UBR4: variants seen among roughly 807,000 people sequenced by gnomAD.
UBR4 encodes the protein ubiquitin protein ligase E3 component n-recognin 4, also known as E3 ubiquitin-protein ligase UBR4.
In UBR4, 124 loss-of-function variants were observed where a neutral mutation model predicts 575.6. The ratio of observed to expected loss-of-function variants is 0.22; its 90% CI spans 0.19 to 0.25. UBR4 has a LOEUF of 0.25. UBR4 is among the 10% of genes least tolerant of loss of function. The probability of loss-of-function intolerance (pLI) is 1.00; values close to 1 mark genes in which losing one functional copy is unlikely to be tolerated. For synonymous variants in UBR4, 2,455 were observed against 2,473.7 expected, an observed-to-expected ratio of 0.99 and a Z score of 0.22; for missense variants, 4,818 against 6,478.8, an observed-to-expected ratio of 0.74 and a Z score of 8.80.
intron 60 of UBR4, among the ~76,000 whole-genome samples, chr1:19,130,080 T>C (rs1040556737): frequency 5.9e-5 from 9 of 152,106 alleles, no homozygotes; most frequent in African/African-American, 1.7e-4. Flanking sequence ...TAGCTGGACA[T>C]GGTGGTGTGC....
At position 19,104,559 on chromosome 1, in the gene UBR4, A is replaced by G. The variant is rs374660742; in HGVS notation, c.12727+26T>C. The G allele has an allele frequency of 1.7e-5, 27 of 1,612,744 alleles. No individual in the cohort carries two copies. In the African/African-American group the frequency reaches 3.5e-4, roughly 21 times the overall value. ...TCCCTAAACAGATTCAGGATGCCCTAAAGGAAGGTCCAGGTGGCTCTTTAC... is the reference window on the plus strand; with the variant it reads ...TCCCTAAACAGATTCAGGATGCCCTGAAGGAAGGTCCAGGTGGCTCTTTAC... On this transcript the variant is annotated intron_variant, in intron 86 of 105. Transcript: ENST00000375254.
At chr1:19,145,981 A>G (rs780636205) in intron 52 of UBR4, 48 bp from the exon 53 acceptor site, 8 of 1,612,972 alleles carry the variant, frequency 5.0e-6, no homozygotes, top group African/African-American at 1.3e-5. Flanking sequence ...CTGAGATGGA[A>G]TTTAATTTGT....
At chr1:19,081,882 A>G (rs996935633) in intron 102 of UBR4, 4 of 627,934 alleles carry the variant, frequency 6.4e-6, no homozygotes, top group African/African-American at 3.7e-5. Context: ...AGGGACGTTC[A>G]CAATCTCCCC....
intron 5 of UBR4, 117 bp from the exon 6 acceptor site, chr1:19,198,166 T>C (rs2092569256): frequency 2.0e-6 from 2 of 1,005,830 alleles, no homozygotes; most frequent in Non-Finnish European, 1.5e-6. Context: ...GAAGGGAAAA[T>C]TCCTTACTCA....
intron 28 of UBR4, 59 bp from the exon 29 acceptor site, chr1:19,167,290 C>T: frequency 1.3e-6 from 2 of 1,587,638 alleles, no homozygotes; most frequent in Admixed American, 3.4e-5. Flanking sequence ...AGCTGCAAAG[C>T]AAGGACAGGG....
chr1:19,160,327 A>C (rs2087129562), intron 38 of UBR4, 46 bp from the exon 39 acceptor site: 2 of 1,483,490 alleles, frequency 1.3e-6, no homozygotes, highest in African/African-American at 2.9e-5. Flanking sequence ...AAAAAAAAGA[A>C]AAACAATGGA....
intron 31 of UBR4, 95 bp downstream of exon 31, chr1:19,165,153 AT>A: frequency 6.7e-7 from 1 of 1,482,490 alleles, no homozygotes; most frequent in African/African-American, 1.4e-5. Context: ...ACTCGTTAGC[AT>A]TTTCATGCTG....
At chr1:19,181,517 C>T (rs2090959096) in intron 17 of UBR4, among the ~76,000 whole-genome samples, 1 of 152,158 alleles carries the variant, frequency 6.6e-6, no homozygotes, top group South Asian at 2.1e-4. Flanking sequence ...CCATGCTCTT[C>T]ACCCCATTCA....
chr1:19,113,641 AAAC>A, intron 77 of UBR4, 55 bp downstream of exon 77: 2 of 1,602,002 alleles, frequency 1.2e-6, no homozygotes, highest in Non-Finnish European at 1.7e-6. Flanking sequence ...ACTGCTGTGA[AAAC>A]AACACCAGTA....
At chr1:19,130,499 G>C (rs140226206) in intron 60 of UBR4, among the ~76,000 whole-genome samples, 1 of 152,308 alleles carries the variant, frequency 6.6e-6, no homozygotes, top group Non-Finnish European at 1.5e-5. Flanking sequence ...CTGAACAACA[G>C]AGCAAGTCCC....
intron 19 of UBR4, 27 bp downstream of exon 19, chr1:19,177,434 A>G: frequency 6.2e-7 from 1 of 1,603,476 alleles, no homozygotes; most frequent in Non-Finnish European, 8.5e-7. Context: ...GTAATGGTGA[A>G]GCAAAAAAGA....
chr1:19,160,255 C>T lies in UBR4; in HGVS notation c.5433G>A (p.Val1811=). The T allele has an allele frequency of 6.2e-7, 1 of 1,609,434 alleles. No individual in the cohort carries two copies. Among genetic ancestry groups the T allele is most frequent in the Non-Finnish European group, 8.5e-7 (1 of 1,179,032 alleles). ...NQANFSFAPL[V]LDMLNFLMDA... ...CCATAAGGAAATTAAGCATGTCTAACACGAGAGGAGCGAAGGAGAAATTGG... is the reference window on the plus strand; with the variant it reads ...CCATAAGGAAATTAAGCATGTCTAATACGAGAGGAGCGAAGGAGAAATTGG... Residue 1811 remains valine (V), a synonymous_variant, in exon 39 of 106, where the codon GTG becomes GTA. Coordinates refer to ENST00000375254, the MANE Select transcript of UBR4 (RefSeq NM_020765.3).
At position 19,128,190 on chromosome 1, in the gene UBR4, A is replaced by T. The variant is rs764260845; in HGVS notation, c.9111+21T>A. The T allele has an allele frequency of 2.1e-5, 34 of 1,602,808 alleles. No individual in the cohort carries two copies. In the Admixed American group the frequency reaches 5.7e-4, roughly 27 times the overall value. On this transcript the variant is annotated intron_variant, in intron 62 of 105. Transcript: ENST00000375254. ...TCTCAGCCAATCCTGTTTCTCACAC[A>T]GTCTGCCTCTCAGATTTTACCTTTT...
chr1:19,192,844 G>A (rs1019848360), intron 9 of UBR4, among the ~76,000 whole-genome samples: 1 of 151,686 alleles, frequency 6.6e-6, no homozygotes, highest in Non-Finnish European at 1.5e-5. Flanking sequence ...GTACGATGGC[G>A]TGATCCCGGC....
At position 19,074,877 on chromosome 1, in the gene UBR4, G is replaced by C. The variant is rs373433980; in HGVS notation, c.15507C>G (p.Thr5169=). The C allele has an allele frequency of 1.2e-6, 2 of 1,614,104 alleles. No homozygotes were observed. The highest frequency in any genetic ancestry group is 2.2e-5 in the South Asian group (2 of 91,054). The change falls in exon 106 of 106, where the codon ACC becomes ACG. Residue 5169 remains threonine (T), a synonymous_variant. Coordinates refer to ENST00000375254, the MANE Select transcript of UBR4 (RefSeq NM_020765.3). ...LDVAGLLSEI[T]DPESFLKDLL... ...GGTCCTTCAGGAAGCTCTCTGGATC[G>C]GTGATTTCTGATAAAAGACCTGCAA...
intron 97 of UBR4, among the ~76,000 whole-genome samples, chr1:19,090,405 G>C (rs1046919117): frequency 6.6e-6 from 1 of 152,186 alleles, no homozygotes; most frequent in African/African-American, 2.4e-5. Context: ...CTGGGAGAAA[G>C]AACATGCCTT....
chr1:19,153,324 C>T lies in UBR4; in HGVS notation c.6809G>A (p.Arg2270Gln), dbSNP rs760643680. Reference protein sequence around the residue: ...SSVISIMKPVRKRKTATITTR... With the variant: ...SSVISIMKPVQKRKTATITTR... ...ACTGATTGTAGCTGTTTTGCGCTTT[C>T]GAACAGGCTTCATGATGCTGATGAC... The change falls in exon 46 of 106, where the codon CGA becomes CAA. Residue 2270 changes from arginine (R) to glutamine (Q), a missense_variant. Coordinates refer to ENST00000375254, the MANE Select transcript of UBR4 (RefSeq NM_020765.3). The surrounding 1 kb of genome is among the most constrained non-coding windows in gnomAD (Gnocchi z 4.1). 4.3e-6 allele frequency: 7 copies of T among 1,614,172 alleles called. No homozygotes were observed. The highest frequency in any genetic ancestry group is 3.3e-5 in the Admixed American group (2 of 60,022).
intron 60 of UBR4, among the ~76,000 whole-genome samples, chr1:19,134,404 G>A (rs2082949400): frequency 6.6e-6 from 1 of 152,208 alleles, no homozygotes; most frequent in Non-Finnish European, 1.5e-5. Context: ...CTGGGCAGGT[G>A]AGACTGTCTT....
At chr1:19,182,759 T>C (rs1364153436) in intron 17 of UBR4, among the ~76,000 whole-genome samples, 1 of 152,060 alleles carries the variant, frequency 6.6e-6, no homozygotes, top group African/African-American at 2.4e-5. Context: ...TATATAACAA[T>C]ATAGATGAAT....
Sources: allele counts gnomAD v4.1 joint callset (sites outside exome capture counted in the v4.1 genomes callset), GRCh38; gene constraint gnomAD v4.1.1; non-coding constraint Gnocchi (gnomAD v3.1); transcripts MANE v1.5; gene names NCBI Gene and HGNC (gene_info 2026-07-23, HGNC 2026-07-21).